The following PRR16 variants were observed in gnomAD, a reference collection of about 807,000 sequenced individuals.
PRR16 encodes protein Largen.
A neutral mutation model predicts 18.2 loss-of-function variants in PRR16; 6 were observed. The ratio of observed to expected loss-of-function variants is 0.33; its 90% confidence interval spans 0.18 to 0.65. PRR16 has a LOEUF of 0.65. Among genes scored for constraint, PRR16 ranks in the 30% least tolerant of loss-of-function variants. PRR16 has a pLI of 0.74. For missense variants in PRR16, 412 were observed against 376.6 expected, an observed-to-expected ratio of 1.09 and a Z score of -0.78; for synonymous variants, 151 against 147.8, an observed-to-expected ratio of 1.02 and a Z score of -0.16.
At chr5:120,785,465 T>G in the PRR16 span, among the ~76,000 whole-genome samples, 1 of 152,118 alleles carries the variant, frequency 6.6e-6, no homozygotes, top group South Asian at 2.1e-4. Flanking sequence ...ATTGATTAAA[T>G]GTTTCCTAAG....
intron 1 of PRR16, among the ~76,000 whole-genome samples, chr5:120,596,872 G>A (rs148323647): frequency 6.6e-6 from 1 of 151,392 alleles, no homozygotes; most frequent in African/African-American, 2.4e-5. Flanking sequence ...AAAAAATTAT[G>A]CAACAGTCTT....
intron 1 of PRR16, among the ~76,000 whole-genome samples, chr5:120,539,983 G>A (rs546925002): frequency 2.0e-5 from 3 of 152,138 alleles, no homozygotes; most frequent in South Asian, 4.2e-4. Flanking sequence ...CACTTTTAAA[G>A]CCTGAGAGTA....
At chr5:120,491,220 C>A (rs1431144265) in intron 1 of PRR16, among the ~76,000 whole-genome samples, 1 of 152,046 alleles carries the variant, frequency 6.6e-6, no homozygotes, top group Non-Finnish European at 1.5e-5. Context: ...TTAATGTTTC[C>A]CTGGTGTTAC....
intron 1 of PRR16, among the ~76,000 whole-genome samples, chr5:120,493,742 TA>T (rs1750146896): frequency 6.6e-6 from 1 of 152,240 alleles, no homozygotes; most frequent in African/African-American, 2.4e-5. Context: ...TCCATTTCTA[TA>T]ATTTATCTTT....
intron 1 of PRR16, among the ~76,000 whole-genome samples, chr5:120,537,540 A>G (rs1162164405): frequency 6.6e-6 from 1 of 151,928 alleles, no homozygotes; most frequent in Non-Finnish European, 1.5e-5. Context: ...AGTGGTTATT[A>G]TTATATTGGA....
the PRR16 span, among the ~76,000 whole-genome samples, chr5:120,715,527 C>T: frequency 6.6e-6 from 1 of 152,118 alleles, no homozygotes; most frequent in African/African-American, 2.4e-5. Flanking sequence ...TTACTATGAT[C>T]TCTATTGAGG....
At chr5:120,766,856 G>GTTAA in the PRR16 span, among the ~76,000 whole-genome samples, 3 of 151,940 alleles carry the variant, frequency 2.0e-5, no homozygotes, top group Admixed American at 6.6e-5. Flanking sequence ...TATAATCCTG[G>GTTAA]TTAATTGTCA....
At chr5:120,552,456 T>A (rs1752283886) in intron 1 of PRR16, among the ~76,000 whole-genome samples, 1 of 151,878 alleles carries the variant, frequency 6.6e-6, no homozygotes, top group Admixed American at 6.6e-5. Context: ...AAACACAATA[T>A]TTATCATTTT....
intron 1 of PRR16, among the ~76,000 whole-genome samples, chr5:120,634,828 AAGTT>A (rs1755175065): frequency 6.6e-6 from 1 of 152,126 alleles, no homozygotes; most frequent in African/African-American, 2.4e-5. Context: ...ATGAAACAAA[AAGTT>A]AGTTCTTTGA....
the PRR16 span, among the ~76,000 whole-genome samples, chr5:120,728,576 CA>C: frequency 6.6e-5 from 10 of 152,176 alleles, no homozygotes; most frequent in Admixed American, 3.9e-4. Flanking sequence ...GATTAGGAAT[CA>C]AATATGAACT....
the PRR16 span, among the ~76,000 whole-genome samples, chr5:120,754,476 T>TTATATAATATATAGTATATAG: frequency 2.2e-5 from 2 of 92,010 alleles, no homozygotes; most frequent in African/African-American, 8.9e-5. Context: ...ATAGTATATA[T>TTATATAATATATAGTATATAG]TATATAATAT....
chr5:120,712,812 T>C, the PRR16 span, among the ~76,000 whole-genome samples: 1 of 152,080 alleles, frequency 6.6e-6, no homozygotes. Context: ...TATCAAAAAG[T>C]CAATTGATAA....
At chr5:120,504,821 G>T (rs1484479310) in intron 1 of PRR16, among the ~76,000 whole-genome samples, 3 of 152,048 alleles carry the variant, frequency 2.0e-5, no homozygotes, top group Non-Finnish European at 2.9e-5. Flanking sequence ...CCAAAGAGTC[G>T]CATACCCTGG....
At chr5:120,661,421 C>A (rs1756168954) in intron 1 of PRR16, among the ~76,000 whole-genome samples, 1 of 151,968 alleles carries the variant, frequency 6.6e-6, no homozygotes, top group Non-Finnish European at 1.5e-5. Flanking sequence ...TGTTTGCCAA[C>A]AGATTTTATT....
chr5:120,563,813 C>G (rs763484667), intron 1 of PRR16, among the ~76,000 whole-genome samples: 1 of 152,046 alleles, frequency 6.6e-6, no homozygotes, highest in Admixed American at 6.5e-5. Flanking sequence ...TCTGCTTTCT[C>G]AAACAGAGGA....
chr5:120,666,171 C>A (rs1345086037), intron 1 of PRR16, among the ~76,000 whole-genome samples: 1 of 152,188 alleles, frequency 6.6e-6, no homozygotes, highest in Non-Finnish European at 1.5e-5. Context: ...AGAGGTCCTT[C>A]ACATCCCTTG....
chr5:120,755,550 A>C, the PRR16 span, among the ~76,000 whole-genome samples: 1 of 152,066 alleles, frequency 6.6e-6, no homozygotes, highest in Non-Finnish European at 1.5e-5. Context: ...TGTTACTGCA[A>C]ATAATATGAT....
At chr5:120,470,852 C>A (rs1749245113) in intron 1 of PRR16, among the ~76,000 whole-genome samples, 1 of 152,114 alleles carries the variant, frequency 6.6e-6, no homozygotes, top group Non-Finnish European at 1.5e-5. Context: ...AGCTTCATTG[C>A]CAGGTAGCTT....
intron 1 of PRR16, among the ~76,000 whole-genome samples, chr5:120,677,963 G>A (rs1360119216): frequency 2.2e-5 from 3 of 134,342 alleles, no homozygotes; most frequent in African/African-American, 5.7e-5. Context: ...AGGCTGGAGT[G>A]CAGTGGCGCG....
Sources: allele counts gnomAD v4.1 joint callset (sites outside exome capture counted in the v4.1 genomes callset), GRCh38; gene constraint gnomAD v4.1.1; transcripts MANE v1.5; gene names NCBI Gene and HGNC (gene_info 2026-07-23, HGNC 2026-07-21).